The following SLC45A4 variants were observed in gnomAD, a reference collection of about 807,000 sequenced individuals.
The protein encoded by SLC45A4 is polyamine-transporter SLC45A4.
Under a neutral mutation model 63.7 loss-of-function variants are expected in SLC45A4, and 32 were observed. The ratio of observed to expected loss-of-function variants is 0.50; its 90% CI spans 0.38 to 0.67. The LOEUF (loss-of-function observed/expected upper bound fraction) is 0.67. Among genes scored for constraint, SLC45A4 ranks in the 30% least tolerant of loss-of-function variants. The pLI is 0.00. For missense variants in SLC45A4, 1,027 were observed against 1,157.7 expected, an observed-to-expected ratio of 0.89 and a Z score of 1.64; for synonymous variants, 535 against 510.0, an observed-to-expected ratio of 1.05 and a Z score of -0.66.
At chr8:141,306,609 C>T (rs1830904862) in intron 1 of SLC45A4, among the ~76,000 whole-genome samples, 1 of 152,234 alleles carries the variant, frequency 6.6e-6, no homozygotes, top group Admixed American at 6.5e-5. Flanking sequence ...GTGTTACACT[C>T]CCTAACCTGT....
Position 141,218,699 on chromosome 8 carries a change from G to A in SLC45A4, c.941C>T (p.Pro314Leu), listed in dbSNP as rs895684958. The A allele has an allele frequency of 7.4e-6, 12 of 1,612,584 alleles. No individual in the cohort carries two copies. In the Middle Eastern group the frequency reaches 4.9e-4, roughly 66 times the overall value. Residue 314 changes from proline (P) to leucine (L), a missense_variant, in exon 5 of 9, where the codon CCG becomes CTG. By Grantham distance (98) the Pro-to-Leu change is moderately conservative. Coordinates refer to ENST00000517878, the MANE Select transcript of SLC45A4 (RefSeq NM_001286646.2). ...RSKSDSALHVPDTALDLEPEL... is the reference protein window; with the variant it reads ...RSKSDSALHVLDTALDLEPEL... ...GGGCTCCAGGTCCAGCGCGGTGTCC[G>A]GCACGTGCAATGCCGAGTCGCTTTT...
intron 2 of SLC45A4, among the ~76,000 whole-genome samples, chr8:141,247,834 G>C (rs2154614579): frequency 6.6e-6 from 1 of 152,330 alleles, no homozygotes; most frequent in South Asian, 2.1e-4. Flanking sequence ...ATAGTGCCTA[G>C]AAACAGATTC....
chr8:141,220,223 A>G (rs1826520185), intron 3 of SLC45A4, among the ~76,000 whole-genome samples: 1 of 152,218 alleles, frequency 6.6e-6, no homozygotes, highest in Non-Finnish European at 1.5e-5. Context: ...CCACAGGGAA[A>G]GGCGCTCATG....
At chr8:141,265,123 G>T (rs535974729) in intron 1 of SLC45A4, among the ~76,000 whole-genome samples, 1 of 152,362 alleles carries the variant, frequency 6.6e-6, no homozygotes, top group East Asian at 1.9e-4. Flanking sequence ...AAGATGGATT[G>T]TATTTCCAAA....
rs184621967 is a variant in SLC45A4, at chr8:141,267,634, C to A, written c.-400-13005G>T. 2.1e-3 allele frequency among the ~76,000 whole-genome samples: 322 copies of A among 152,116 alleles called. 1 individual carries two copies. The highest frequency in any genetic ancestry group is 6.8e-3 in the Middle Eastern group (2 of 294). ...GGAAGAACAAGAGCCAATAAATGAT[C>A]TTTTGCTATATGGGGGAAAAGATGG... On this transcript the variant is annotated intron_variant, in intron 1 of 8. Transcript: ENST00000517878.
chr8:141,217,058 G>A (rs780950802), intron 6 of SLC45A4, 32 bp downstream of exon 6: 5 of 1,601,630 alleles, frequency 3.1e-6, no homozygotes, highest in Admixed American at 3.3e-5. Context: ...TTTCTGGGGT[G>A]CGAGTGCTGA....
chr8:141,244,295 C>A (rs1828060254), intron 2 of SLC45A4, among the ~76,000 whole-genome samples: 1 of 152,222 alleles, frequency 6.6e-6, no homozygotes. Flanking sequence ...CATGCCTGGG[C>A]CGGAGGCAGA....
chr8:141,272,311 G>A (rs1243680096), intron 1 of SLC45A4, among the ~76,000 whole-genome samples: 2 of 152,230 alleles, frequency 1.3e-5, no homozygotes, highest in Non-Finnish European at 1.5e-5. Context: ...CTGAACAGGA[G>A]GTGGTGTGTG....
chr8:141,253,915 G>A, intron 2 of SLC45A4, 74 bp downstream of exon 2: 1 of 1,511,788 alleles, frequency 6.6e-7, no homozygotes, highest in Non-Finnish European at 8.9e-7. Context: ...TCTGCCTCCA[G>A]AGGATCAGAG....
At chr8:141,244,478 C>T (rs1569558607) in intron 2 of SLC45A4, among the ~76,000 whole-genome samples, 1 of 152,140 alleles carries the variant, frequency 6.6e-6, no homozygotes, top group East Asian at 1.9e-4. Context: ...TGAGTTGGAC[C>T]TTGTCCTTAG....
chr8:141,274,897 TCAC>T (rs1426249180), intron 1 of SLC45A4, among the ~76,000 whole-genome samples: 1 of 152,194 alleles, frequency 6.6e-6, no homozygotes, highest in Non-Finnish European at 1.5e-5. Context: ...CAACAGGGGT[TCAC>T]CACAAGGAAA....
Position 141,218,356 on chromosome 8 carries a change from G to A in SLC45A4, c.1284C>T (p.Ser428=). ...AGTGGGACCCAAGCTTGCCGTAGTA[G>A]GAGAAGGTGCTGGAGGCCTGCCTGC... is the stretch of plus-strand genomic sequence containing the variant. The part of the protein sequence containing the change: ...AFRRQASSTF[S]YYGKLGSHCY... Residue 428 remains serine (S), a synonymous_variant, in exon 5 of 9, where the codon TCC becomes TCT. Transcript: ENST00000517878. 2 of 1,608,308 alleles carry A rather than the reference G, an allele frequency of 1.2e-6. No individual in the cohort carries two copies. Among genetic ancestry groups the A allele is most frequent in the South Asian group, 2.2e-5 (2 of 91,026 alleles).
At chr8:141,264,412 G>T (rs1563658035) in intron 1 of SLC45A4, among the ~76,000 whole-genome samples, 1 of 152,182 alleles carries the variant, frequency 6.6e-6, no homozygotes, top group Non-Finnish European at 1.5e-5. Flanking sequence ...CCTAGCCGCG[G>T]GAGGCAGAGA....
chr8:141,240,310 G>C (rs927892818), intron 2 of SLC45A4, among the ~76,000 whole-genome samples: 1 of 152,228 alleles, frequency 6.6e-6, no homozygotes, highest in African/African-American at 2.4e-5. Flanking sequence ...AACTGAGACT[G>C]CAACAAAAGA....
rs770921486 is a variant in SLC45A4, at chr8:141,218,152, C to G, written c.1488G>C (p.Leu496=). The G allele has an allele frequency of 2.2e-5, 36 of 1,609,966 alleles. No individual in the cohort carries two copies. The East Asian group carries it at 6.2e-4, about 28-fold the overall frequency. ...EEGEGETTVR[L]LWLSMLKMPR... ...GCATCTTCAGCATGGAGAGCCACAG[C>G]AGGCGCACCGTGGTCTCGCCCTCCC... Residue 496 remains leucine, a synonymous_variant, in exon 5 of 9, where the codon CTG becomes CTC. Transcript: ENST00000517878.
intron 2 of SLC45A4, among the ~76,000 whole-genome samples, chr8:141,230,759 C>T (rs1480436419): frequency 6.6e-6 from 1 of 152,260 alleles, no homozygotes; most frequent in Non-Finnish European, 1.5e-5. Context: ...GCAATGCTGA[C>T]ACTGTCCATT....
chr8:141,228,437 C>T, intron 2 of SLC45A4: 1 of 1,409,896 alleles, frequency 7.1e-7, no homozygotes, highest in Non-Finnish European at 9.3e-7. Flanking sequence ...CATTCCGCAG[C>T]TGCTGTCCTG....
chr8:141,261,580 C>G (rs1829039085), intron 1 of SLC45A4, among the ~76,000 whole-genome samples: 1 of 152,166 alleles, frequency 6.6e-6, no homozygotes, highest in African/African-American at 2.4e-5. Flanking sequence ...ACACCAATAA[C>G]AGACAAACAG....
intron 6 of SLC45A4, among the ~76,000 whole-genome samples, 179 bp from the exon 7 acceptor site, chr8:141,216,149 C>T (rs539803990): frequency 2.0e-5 from 3 of 152,168 alleles, no homozygotes; most frequent in South Asian, 2.1e-4. Flanking sequence ...TTGTAGCTCA[C>T]GGGCCCGCTG....
Sources: gnomAD v4.1 joint callset for allele counts (sites outside exome capture counted in the v4.1 genomes callset) on GRCh38, gnomAD v4.1.1 for gene constraint, MANE v1.5 for transcripts, NCBI Gene and HGNC (gene_info 2026-07-23, HGNC 2026-07-21) for gene names.